The following NCKIPSD variants were observed in gnomAD, a reference collection of about 807,000 sequenced individuals.
NCKIPSD encodes the protein NCK interacting protein with SH3 domain.
In NCKIPSD, 48 loss-of-function variants were observed where a neutral mutation model predicts 73.4. The ratio of observed to expected loss-of-function variants is 0.65; its 90% CI spans 0.52 to 0.83. The LOEUF is 0.83. Ranked by LOEUF, NCKIPSD falls within the 40% of genes least tolerant of loss-of-function variation. The pLI, the probability that NCKIPSD is intolerant of heterozygous loss-of-function variation, is 0.00. For missense variants in NCKIPSD, 884 were observed against 970.2 expected (o/e 0.91, Z 1.18); for synonymous variants, 422 against 403.6 (o/e 1.05, Z -0.54).
chr3:48,678,636 G>T lies in NCKIPSD; in HGVS notation c.1893C>A (p.Phe631Leu). 6.2e-7 allele frequency: 1 copy of T among 1,614,246 alleles called. No individual in the cohort carries two copies. The highest frequency in any genetic ancestry group is 8.5e-7 in the Non-Finnish European group (1 of 1,180,036). The change falls in exon 12 of 13, where the codon TTC becomes TTA. Residue 631 changes from phenylalanine (F) to leucine (L), a missense_variant. Phe to Leu is a conservative substitution (Grantham distance 22, BLOSUM62 0). Coordinates refer to ENST00000294129, the MANE Select transcript of NCKIPSD (RefSeq NM_016453.4). Reference sequence around the variant, plus strand: ...TGAGAGCCATCATGTCTGTGTGGTAGAAGATGGCAGCTGTGGCCGGGCTGC... The same window carrying T: ...TGAGAGCCATCATGTCTGTGTGGTATAAGATGGCAGCTGTGGCCGGGCTGC... ...VFGSPATAAI[F>L]YHTDMMALID... is the part of the protein sequence containing the mutation.
intron 1 of NCKIPSD, 37 bp downstream of exon 1, chr3:48,685,600 A>G: frequency 2.0e-6 from 3 of 1,502,890 alleles, no homozygotes; most frequent in Non-Finnish European, 2.6e-6. Flanking sequence ...GTCCTGCCCC[A>G]GGGGCGCGGA....
chr3:48,675,469 G>A (rs1031548409), intron 12 of NCKIPSD, among the ~76,000 whole-genome samples: 1 of 145,930 alleles, frequency 6.9e-6, no homozygotes, highest in African/African-American at 2.5e-5. Flanking sequence ...ACCTCTGGCT[G>A]AACCAGTTCC....
chr3:48,674,172 T>C lies in NCKIPSD; in HGVS notation c.*372A>G. 8.5e-7 allele frequency: 1 copy of C among 1,176,022 alleles called. No homozygotes were observed. Among genetic ancestry groups the C allele is most frequent in the Non-Finnish European group, 1.1e-6 (1 of 944,310 alleles). 72.8% of individuals were successfully genotyped at this position (1,176,022 alleles called of 1,614,324 possible). On this transcript the variant is annotated 3_prime_UTR_variant, in exon 13 of 13. Coordinates refer to ENST00000294129, the MANE Select transcript of NCKIPSD (RefSeq NM_016453.4). The stretch of plus-strand genomic sequence containing the variant: ...GATGCCTCCCCTCACCCCAGGGGCA[T>C]GGCTTGCTGAGGCCCAGGATACAGA...
chr3:48,684,239 C>CA (rs2077401294), intron 1 of NCKIPSD, among the ~76,000 whole-genome samples: 1 of 152,268 alleles, frequency 6.6e-6, no homozygotes, highest in Admixed American at 6.5e-5. Flanking sequence ...CAGAAAGAAA[C>CA]AGACAGTGAC....
chr3:48,684,009 CACACACACACAG>C (rs1379260827), intron 1 of NCKIPSD, among the ~76,000 whole-genome samples: 1 of 150,206 alleles, frequency 6.7e-6, no homozygotes, highest in Non-Finnish European at 1.5e-5. Flanking sequence ...CACACACACA[CACACACACACAG>C]AGAGAGAGAG....
At position 48,674,133 on chromosome 3, in the gene NCKIPSD, T is replaced by G. The variant is rs377449889; in HGVS notation, c.*411A>C. 7.9e-6 allele frequency: 9 copies of G among 1,135,200 alleles called. No homozygotes were observed. The highest frequency in any genetic ancestry group is 9.8e-6 in the Non-Finnish European group (9 of 920,584). 70.3% of individuals were successfully genotyped at this position (1,135,200 alleles called of 1,614,324 possible). On this transcript the variant is annotated 3_prime_UTR_variant, in exon 13 of 13. Transcript: ENST00000294129. ...CTCACTGCAAAGCTAAGGCAAAGAA[T>G]AGAGCTGGTGGGAGATGCCTCCCCT...
chr3:48,673,981 G>A lies in NCKIPSD; in HGVS notation c.*563C>T, dbSNP rs184612927. The A allele has an allele frequency of 5.6e-6, 6 of 1,069,402 alleles. No individual in the cohort carries two copies. The highest frequency in any genetic ancestry group is 2.3e-6 in the Non-Finnish European group (2 of 881,284). The allele number at this position is 1,069,402 out of a possible 1,614,324, so 66.2% of individuals were successfully genotyped here. A position where few individuals can be genotyped will look rare whatever the true frequency, so the allele number is the denominator to read the frequency against. ...TCAGTGCCATCATCCTGTTCCATGAGGCTCCAGGATGGATGGCCTGTCTCC... is the reference window on the plus strand; with the variant it reads ...TCAGTGCCATCATCCTGTTCCATGAAGCTCCAGGATGGATGGCCTGTCTCC... On this transcript the variant is annotated 3_prime_UTR_variant, in exon 13 of 13. Transcript: ENST00000294129.
At position 48,681,739 on chromosome 3, in the gene NCKIPSD, T is replaced by A; in HGVS notation, c.640A>T (p.Ser214Cys). 1 of 1,533,800 alleles carries A rather than the reference T, an allele frequency of 6.5e-7. No homozygotes were observed. The highest frequency in any genetic ancestry group is 8.8e-7 in the Non-Finnish European group (1 of 1,141,428). The change falls in exon 5 of 13, where the codon AGC (serine) becomes TGC (cysteine). Residue 214 changes from serine (S) to cysteine (C), a missense_variant. Ser to Cys is a moderately radical substitution (Grantham distance 112). Transcript: ENST00000294129. ...TMPSGGNSVS[S>C]GSSVSSTSLD... ...GAGGTGCTGCTGACTGAGGAGCCGC[T>A]GGACACAGAGTTACCCCCGGAGGGC...
In NCKIPSD at chr3:48,682,053, G is replaced by A; in HGVS notation, c.590C>T (p.Ser197Phe). The part of the protein sequence containing the change: ...KRRDREALMA[S>F]GSGGHNTMPS... ...TAACCCTGCCTTCTTACCACTCCCA[G>A]AGGCCATCAGGGCCTCGCGGTCTCG... Residue 197 changes from serine (S) to phenylalanine (F), a missense_variant, in exon 4 of 13, where the codon TCT becomes TTT. By Grantham distance (155) the Ser-to-Phe change is radical. Coordinates refer to ENST00000294129, the MANE Select transcript of NCKIPSD (RefSeq NM_016453.4). 1 of 1,601,110 alleles carries A rather than the reference G, an allele frequency of 6.2e-7. No individual in the cohort carries two copies. The highest frequency in any genetic ancestry group is 1.1e-5 in the South Asian group (1 of 90,844).
At chr3:48,681,089 T>C (rs2077344164) in intron 5 of NCKIPSD, 198 bp downstream of exon 5, 1 of 788,230 alleles carries the variant, frequency 1.3e-6, no homozygotes, top group Non-Finnish European at 2.0e-6. Flanking sequence ...TTGTGGCCCT[T>C]GTCCAGGCTG....
intron 12 of NCKIPSD, 144 bp downstream of exon 12, chr3:48,678,420 C>A: frequency 9.1e-7 from 1 of 1,102,264 alleles, no homozygotes. Context: ...TCCTTTGGGT[C>A]TTGGTGCACC....
intron 12 of NCKIPSD, 56 bp downstream of exon 12, chr3:48,678,508 C>A (rs1358909581): frequency 6.5e-7 from 1 of 1,538,450 alleles, no homozygotes; most frequent in African/African-American, 1.4e-5. Context: ...TGCCCCCCAC[C>A]ATTTTGTTTC....
chr3:48,685,600 AG>A (rs1305229078), intron 1 of NCKIPSD, 36 bp downstream of exon 1: 1 of 1,502,890 alleles, frequency 6.7e-7, no homozygotes, highest in Non-Finnish European at 8.8e-7. Flanking sequence ...GTCCTGCCCC[AG>A]GGGCGCGGAG....
At position 48,681,553 on chromosome 3, in the gene NCKIPSD, C is replaced by G; in HGVS notation, c.826G>C (p.Val276Leu). Residue 276 changes from valine to leucine, a missense_variant, in exon 5 of 13, where the codon GTG (valine) becomes CTG (leucine). Val to Leu is a conservative substitution (Grantham distance 32). Transcript: ENST00000294129. ...GAGGCTGAGGTTGTACCAGTTGCCACTTCTTCTTCTGCAGGGGGTTCAGGT... is the reference window on the plus strand; with the variant it reads ...GAGGCTGAGGTTGTACCAGTTGCCAGTTCTTCTTCTGCAGGGGGTTCAGGT... ...SAPEPPAEEE[V>L]ATGTTSASDD... 1.2e-6 allele frequency: 2 copies of G among 1,614,072 alleles called. No individual in the cohort carries two copies. Among genetic ancestry groups the G allele is most frequent in the African/African-American group, 2.7e-5 (2 of 75,050 alleles).
chr3:48,684,053 G>C (rs1350177922), intron 1 of NCKIPSD, among the ~76,000 whole-genome samples: 1 of 151,946 alleles, frequency 6.6e-6, no homozygotes. Context: ...TGGGGAAAGA[G>C]AGGAGCTCAG....
chr3:48,679,409 GAGA>G lies in NCKIPSD; in HGVS notation c.1535_1537del (p.Phe512del). 3 of 1,614,152 alleles carry G rather than the reference GAGA, an allele frequency of 1.9e-6. No homozygotes were observed. Among genetic ancestry groups the G allele is most frequent in the Non-Finnish European group, 2.5e-6 (3 of 1,180,010 alleles). ...TGCATAGGGCACTGCCTCTCCCATG[GAGA>G]AGACCATGGCCAGGATGAGGGCAGA... On this transcript the variant is annotated inframe_deletion, in exon 9 of 13. Transcript: ENST00000294129.
At position 48,678,928 on chromosome 3, in the gene NCKIPSD, C is replaced by T. The variant is rs142659579; in HGVS notation, c.1741G>A (p.Ala581Thr). 4.3e-5 allele frequency: 70 copies of T among 1,613,934 alleles called. No individual in the cohort carries two copies. The African/African-American group carries it at 8.4e-4, about 19-fold the overall frequency. ...NVIMAALSKH[A>T]NVKIFSEKLL... The stretch of plus-strand genomic sequence containing the variant: ...TTCTCGGAGAAGATCTTGACATTGG[C>T]GTGTTTGCTCAGGGCAGCCATGATG... Residue 581 changes from alanine (A) to threonine (T), a missense_variant, in exon 11 of 13, where the codon GCC (alanine) becomes ACC (threonine). Transcript: ENST00000294129.
In NCKIPSD at chr3:48,674,726, G is replaced by A. The variant is rs201533628; in HGVS notation, c.1987C>T (p.Leu663=). 9.3e-6 allele frequency: 15 copies of A among 1,613,888 alleles called. No homozygotes were observed. Among genetic ancestry groups the A allele is most frequent in the African/African-American group, 1.3e-5 (1 of 74,900 alleles). The change falls in exon 13 of 13, where the codon CTG becomes TTG. Residue 663 remains leucine (L), a synonymous_variant. Transcript: ENST00000294129. The part of the protein sequence containing the change: ...GDKLRMEYLS[L]MHAIVRTTPY... ...GTGGTGCGGACTATAGCATGCATCA[G>A]GGAGAGGTACTCCATGCGCAGCTGT...
At chr3:48,681,110 TG>T in intron 5 of NCKIPSD, 176 bp downstream of exon 5, 1 of 1,016,296 alleles carries the variant, frequency 9.8e-7, no homozygotes, top group Non-Finnish European at 1.4e-6. Flanking sequence ...CGCATCTGCC[TG>T]GAATGCTTGT....
Sources: gnomAD v4.1 joint callset for allele counts (sites outside exome capture counted in the v4.1 genomes callset) on GRCh38, gnomAD v4.1.1 for gene constraint, MANE v1.5 for transcripts, NCBI Gene and HGNC (gene_info 2026-07-23, HGNC 2026-07-21) for gene names.